The following CMIP variants were observed in gnomAD, a reference collection of about 807,000 sequenced individuals.
CMIP encodes C-Maf-inducing protein.
Under a neutral mutation model 97.3 loss-of-function variants are expected in CMIP, and 13 were observed. The ratio of observed to expected loss-of-function variants is 0.13; its 90% CI spans 0.09 to 0.21. The LOEUF (loss-of-function observed/expected upper bound fraction) is 0.21. Among genes scored for constraint, CMIP ranks in the 10% least tolerant of loss-of-function variants. The pLI is 1.00. For synonymous variants in CMIP, 538 were observed against 436.3 expected (o/e 1.23, Z -2.91); for missense variants, 847 against 1,024.9 (o/e 0.83, Z 2.37).
At chr16:81,460,934 T>C (rs1234114701) in intron 1 of CMIP, among the ~76,000 whole-genome samples, 1 of 152,244 alleles carries the variant, frequency 6.6e-6, no homozygotes, top group Non-Finnish European at 1.5e-5. Flanking sequence ...GTGATCGTTA[T>C]GACAATCCTG....
chr16:81,642,723 C>G (rs1192832890), intron 3 of CMIP, among the ~76,000 whole-genome samples: 1 of 152,142 alleles, frequency 6.6e-6, no homozygotes, highest in Non-Finnish European at 1.5e-5. Context: ...TGGCGAAACC[C>G]TGTCTCTACT....
At chr16:81,664,226 A>G in intron 6 of CMIP, 43 bp from the exon 7 acceptor site, 1 of 1,549,582 alleles carries the variant, frequency 6.5e-7, no homozygotes, top group Non-Finnish European at 8.7e-7. Context: ...TGTGTTCAGA[A>G]CATTCTTAGG....
intron 1 of CMIP, among the ~76,000 whole-genome samples, chr16:81,594,926 C>T (rs945049972): frequency 4.0e-5 from 6 of 151,558 alleles, no homozygotes; most frequent in Admixed American, 1.3e-4. Flanking sequence ...CCACCGCGCC[C>T]GGCCATACCT....
At chr16:81,690,434 G>T (rs3926955) in intron 10 of CMIP, among the ~76,000 whole-genome samples, 15,340 of 152,228 alleles carry the variant, frequency 0.1, 949 homozygotes, top group African/African-American at 0.17. Context: ...AAAAGCTGTT[G>T]TCTGAAAGCA....
In CMIP at chr16:81,650,731, C is replaced by T. The variant is rs537758615; in HGVS notation, c.478-1472C>T. Among the ~76,000 whole-genome samples the T allele has an allele frequency of 2.3e-3, 356 of 152,204 alleles. 1 individual carries two copies. The highest frequency in any genetic ancestry group is 8.2e-3 in the African/African-American group (339 of 41,506). On this transcript the variant is annotated intron_variant, in intron 3 of 20. Transcript: ENST00000537098. Reference sequence around the variant, plus strand: ...CTGGACTTGACTTTTGAATGCGGCTCCATAGAGTGGACCACATGGGTCCAG... The same window carrying T: ...CTGGACTTGACTTTTGAATGCGGCTTCATAGAGTGGACCACATGGGTCCAG...
chr16:81,580,102 T>A (rs2091270490), intron 1 of CMIP, among the ~76,000 whole-genome samples: 1 of 152,206 alleles, frequency 6.6e-6, no homozygotes, highest in African/African-American at 2.4e-5. Context: ...GAGTTCATTC[T>A]CCCCTTAAGA....
At chr16:81,544,779 G>A (rs1223873620) in intron 1 of CMIP, among the ~76,000 whole-genome samples, 1 of 151,942 alleles carries the variant, frequency 6.6e-6, no homozygotes, top group Non-Finnish European at 1.5e-5. Context: ...TTGCGTGTGT[G>A]CACGTGTGTG....
intron 7 of CMIP, among the ~76,000 whole-genome samples, chr16:81,669,018 ACTCCT>A (rs2092645977): frequency 2.2e-5 from 2 of 90,012 alleles, no homozygotes; most frequent in East Asian, 3.3e-4. Flanking sequence ...CCCACCTCAC[ACTCCT>A]CCTTCCACAC....
chr16:81,693,236 C>G lies in CMIP; in HGVS notation c.1481+52C>G, dbSNP rs767145485. On this transcript the variant is annotated intron_variant, in intron 12 of 20. Transcript: ENST00000537098. ...CCATTCTGGCACGCACGGCCTCTGTCCTGAGGTCTTCCCTCCGTGGCCCAT... is the reference window on the plus strand; with the variant it reads ...CCATTCTGGCACGCACGGCCTCTGTGCTGAGGTCTTCCCTCCGTGGCCCAT... 2.4e-5 allele frequency: 38 copies of G among 1,561,584 alleles called. No individual in the cohort carries two copies. In the East Asian group the frequency reaches 8.6e-4, roughly 35 times the overall value.
chr16:81,536,559 A>G (rs112148257), intron 1 of CMIP, among the ~76,000 whole-genome samples: 103 of 152,304 alleles, frequency 6.8e-4, no homozygotes, highest in African/African-American at 1.8e-3. Context: ...TTGTAGCACA[A>G]CCCGTCTCCG....
At chr16:81,706,024 G>C (rs1908100162) in intron 19 of CMIP, among the ~76,000 whole-genome samples, 1 of 152,198 alleles carries the variant, frequency 6.6e-6, no homozygotes, top group Admixed American at 6.5e-5. Context: ...GACACCGTAC[G>C]GTAAGCAGAT....
At chr16:81,534,772 A>G (rs964403616) in intron 1 of CMIP, among the ~76,000 whole-genome samples, 3 of 152,108 alleles carry the variant, frequency 2.0e-5, no homozygotes, top group African/African-American at 7.2e-5. Context: ...TAGTTAATGG[A>G]TTGTCTGTTA....
intron 1 of CMIP, among the ~76,000 whole-genome samples, chr16:81,472,759 C>A (rs746165410): frequency 6.6e-6 from 1 of 152,130 alleles, no homozygotes; most frequent in Non-Finnish European, 1.5e-5. Context: ...GTGGAGAGGC[C>A]GTTGGGATGG....
At chr16:81,520,770 T>C (rs1301127354) in intron 1 of CMIP, among the ~76,000 whole-genome samples, 1 of 152,142 alleles carries the variant, frequency 6.6e-6, no homozygotes, top group Non-Finnish European at 1.5e-5. Context: ...GCAAATAACT[T>C]AACTTCTCTG....
intron 1 of CMIP, among the ~76,000 whole-genome samples, chr16:81,467,147 G>A (rs991515282): frequency 6.6e-6 from 1 of 152,224 alleles, no homozygotes; most frequent in African/African-American, 2.4e-5. Context: ...GAGGTTGTGT[G>A]ATGTGGGCCC....
chr16:81,610,228 C>T (rs2091808655), intron 2 of CMIP: 2 of 739,162 alleles, frequency 2.7e-6, no homozygotes, highest in Admixed American at 6.3e-5. Flanking sequence ...TCCCTTTAAC[C>T]CGGCTGTGGC....
intron 1 of CMIP, among the ~76,000 whole-genome samples, chr16:81,487,585 G>C (rs1455757649): frequency 1.3e-5 from 2 of 152,336 alleles, no homozygotes; most frequent in East Asian, 3.9e-4. Context: ...AGAGCGCAAG[G>C]CTCTGGGCTT....
chr16:81,446,685 A>G (rs1418286047), intron 1 of CMIP, among the ~76,000 whole-genome samples: 1 of 152,136 alleles, frequency 6.6e-6, no homozygotes, highest in African/African-American at 2.4e-5. Context: ...CAGCCAGGAA[A>G]TAGGGTGTCG....
intron 1 of CMIP, among the ~76,000 whole-genome samples, chr16:81,589,069 C>CTTT (rs368193106): frequency 6.8e-6 from 1 of 146,978 alleles, no homozygotes; most frequent in East Asian, 2.0e-4. Flanking sequence ...TATTGTATTG[C>CTTT]TTTTTTTTTT....
Sources: gnomAD v4.1 joint callset for allele counts (sites outside exome capture counted in the v4.1 genomes callset) on GRCh38, gnomAD v4.1.1 for gene constraint, MANE v1.5 for transcripts, NCBI Gene and HGNC (gene_info 2026-07-23, HGNC 2026-07-21) for gene names.